Variants in NPAS3 observed in about 807,000 individuals in gnomAD.
The protein encoded by NPAS3 is neuronal PAS domain-containing protein 3.
NPAS3 carries 14 observed loss-of-function variants against 73.1 expected under a neutral mutation model. That is an observed-to-expected ratio of 0.19 (90% confidence interval 0.13 to 0.30). The LOEUF (loss-of-function observed/expected upper bound fraction) is 0.30, where lower values mean the gene tolerates loss of function less well. Among genes scored for constraint, NPAS3 ranks in the 10% least tolerant of loss-of-function variants. The pLI, the probability that NPAS3 is intolerant of heterozygous loss-of-function variation, is 1.00. For synonymous variants in NPAS3, 620 were observed against 541.5 expected, an observed-to-expected ratio of 1.14 and a Z score of -2.01; for missense variants, 1,096 against 1,250.0, an observed-to-expected ratio of 0.88 and a Z score of 1.86.
chr14:33,401,759 G>A (rs771479698), intron 4 of NPAS3, among the ~76,000 whole-genome samples: 53 of 151,728 alleles, frequency 3.5e-4, no homozygotes, highest in Admixed American at 1.2e-3. Flanking sequence ...CACTCTTAGC[G>A]TACACTAGCT....
Position 33,197,237 on chromosome 14 carries a change from CTGTGTGTGTG to C in NPAS3, c.141-17923_141-17914del, listed in dbSNP as rs11268151. 7.3e-3 allele frequency among the ~76,000 whole-genome samples: 989 copies of C among 135,296 alleles called. 11 individuals are homozygous for C. The highest frequency in any genetic ancestry group is 0.019 in the African/African-American group (701 of 37,356). The allele number at this position is 135,296 out of a possible 152,430, so 88.8% of individuals were successfully genotyped here. A position where few individuals can be genotyped will look rare whatever the true frequency, so the allele number is the denominator to read the frequency against. ...CTGCTCTGGGATGCACTCCAGCAGG[CTGTGTGTGTG>C]TGTGTGTGTGTGTGTGTGTGTTCTT... On this transcript the variant is annotated intron_variant, in intron 2 of 11. Transcript: ENST00000356141.
chr14:33,409,708 G>A (rs1269813552), intron 4 of NPAS3, among the ~76,000 whole-genome samples: 4 of 152,116 alleles, frequency 2.6e-5, no homozygotes, highest in Admixed American at 2.6e-4. Flanking sequence ...CTGGCCCTGG[G>A]CCTTTATGCT....
chr14:33,567,073 T>C (rs1408959287), intron 5 of NPAS3, among the ~76,000 whole-genome samples: 1 of 152,226 alleles, frequency 6.6e-6, no homozygotes, highest in Non-Finnish European at 1.5e-5. Flanking sequence ...GATGTGTGGA[T>C]GTGTATGTCT....
intron 5 of NPAS3, among the ~76,000 whole-genome samples, chr14:33,617,214 C>T (rs375189029): frequency 2.0e-5 from 3 of 152,230 alleles, no homozygotes; most frequent in East Asian, 3.8e-4. Flanking sequence ...GCCTCCATTG[C>T]AGCCAGCATG....
At chr14:33,196,564 A>T (rs570724888) in intron 2 of NPAS3, among the ~76,000 whole-genome samples, 1 of 152,320 alleles carries the variant, frequency 6.6e-6, no homozygotes, top group Admixed American at 6.5e-5. Context: ...CTCCAGCGGG[A>T]TAAGACCCTC....
At chr14:33,792,463 G>A (rs1298185426) in intron 9 of NPAS3, among the ~76,000 whole-genome samples, 2 of 151,982 alleles carry the variant, frequency 1.3e-5, no homozygotes, top group African/African-American at 2.4e-5. Context: ...TGTAATAGAT[G>A]GATGTGGCAC....
intron 1 of NPAS3, among the ~76,000 whole-genome samples, chr14:33,027,906 T>C (rs75102862): frequency 0.025 from 3,778 of 152,250 alleles, 157 homozygotes; most frequent in African/African-American, 0.087. Flanking sequence ...TCCTGTGCCT[T>C]CTTTTGTATA....
intron 3 of NPAS3, among the ~76,000 whole-genome samples, chr14:33,331,495 T>A (rs2043982757): frequency 6.6e-6 from 1 of 152,158 alleles, no homozygotes; most frequent in African/African-American, 2.4e-5. Flanking sequence ...CAAATTGGCC[T>A]AGATTATAGT....
chr14:33,331,849 G>A (rs1381240380), intron 3 of NPAS3, among the ~76,000 whole-genome samples: 2 of 152,170 alleles, frequency 1.3e-5, no homozygotes, highest in Non-Finnish European at 2.9e-5. Context: ...CCAGGGCCAC[G>A]CTGTAGAATA....
At chr14:33,273,584 A>G (rs533327678) in intron 3 of NPAS3, among the ~76,000 whole-genome samples, 1 of 152,320 alleles carries the variant, frequency 6.6e-6, no homozygotes, top group African/African-American at 2.4e-5. Context: ...ACTTAAGATT[A>G]TGACTCTGAT....
chr14:33,523,335 T>C (rs982136145), intron 4 of NPAS3, among the ~76,000 whole-genome samples: 1 of 151,598 alleles, frequency 6.6e-6, no homozygotes. Context: ...TCATTATTAC[T>C]GTAGAGAAAG....
At chr14:33,680,942 A>G (rs2059919354) in intron 6 of NPAS3, 1 of 372,866 alleles carries the variant, frequency 2.7e-6, no homozygotes. Context: ...TATGATTTTT[A>G]TGCTATTATA....
chr14:33,185,717 T>C (rs1179312652), intron 2 of NPAS3, among the ~76,000 whole-genome samples: 4 of 152,102 alleles, frequency 2.6e-5, no homozygotes, highest in Admixed American at 6.5e-5. Flanking sequence ...GTGGACCTTA[T>C]TGTAATACTG....
intron 3 of NPAS3, among the ~76,000 whole-genome samples, chr14:33,329,743 T>C (rs2043893279): frequency 6.6e-6 from 1 of 152,028 alleles, no homozygotes; most frequent in Admixed American, 6.6e-5. Flanking sequence ...TTGTTCTAAG[T>C]ACAGAATCAT....
At chr14:33,772,295 A>T (rs768425462) in intron 7 of NPAS3, among the ~76,000 whole-genome samples, 16 of 152,170 alleles carry the variant, frequency 1.1e-4, no homozygotes, top group Non-Finnish European at 2.1e-4. Flanking sequence ...GAAAATTGCG[A>T]GTCGAGACTC....
intron 1 of NPAS3, among the ~76,000 whole-genome samples, chr14:32,987,211 C>T (rs1010876665): frequency 6.7e-6 from 1 of 149,300 alleles, no homozygotes; most frequent in Non-Finnish European, 1.5e-5. Context: ...TAAAAATACA[C>T]AAGTTTGTGT....
At chr14:33,684,216 T>A (rs750005704) in intron 6 of NPAS3, among the ~76,000 whole-genome samples, 1 of 112,326 alleles carries the variant, frequency 8.9e-6, no homozygotes, top group Non-Finnish European at 1.8e-5. Flanking sequence ...ACGTATTTCA[T>A]TGTGCTGTGG....
intron 3 of NPAS3, among the ~76,000 whole-genome samples, chr14:33,272,887 T>C (rs1401358334): frequency 6.6e-6 from 1 of 152,212 alleles, no homozygotes; most frequent in African/African-American, 2.4e-5. Context: ...TCGAAATCTC[T>C]TTACAATTTT....
In NPAS3 at chr14:33,800,509, G is replaced by A. The variant is rs1352643270; in HGVS notation, c.2202G>A (p.Ser734=). Reference sequence around the variant, plus strand: ...CCCGCAAGACTCAGTTCGGCGCCTCGGCCACCGCGGCCCTGGCCCCCGTCG... The same window carrying A: ...CCCGCAAGACTCAGTTCGGCGCCTCAGCCACCGCGGCCCTGGCCCCCGTCG... The change falls in exon 12 of 12, where the codon TCG becomes TCA. Residue 734 remains serine (S), a synonymous_variant. Coordinates refer to ENST00000356141, the Ensembl canonical transcript of NPAS3. This position sits in a 1 kb window ranked among gnomAD's most constrained non-coding sequence, Gnocchi z 6.5. 30 of 1,425,340 alleles carry A rather than the reference G, an allele frequency of 2.1e-5. No individual in the cohort carries two copies. Among genetic ancestry groups the A allele is most frequent in the African/African-American group, 9.2e-5 (6 of 65,548 alleles). 88.3% of individuals were successfully genotyped at this position (1,425,340 alleles called of 1,614,324 possible).
Sources: allele counts gnomAD v4.1 joint callset (sites outside exome capture counted in the v4.1 genomes callset), GRCh38; gene constraint gnomAD v4.1.1; non-coding constraint Gnocchi (gnomAD v3.1); transcripts MANE v1.5; gene names NCBI Gene and HGNC (gene_info 2026-07-23, HGNC 2026-07-21).